The following NEDD4 variants were observed in gnomAD, a reference collection of about 807,000 sequenced individuals.
NEDD4 encodes E3 ubiquitin-protein ligase NEDD4.
A neutral mutation model predicts 144.9 loss-of-function variants in NEDD4; 99 were observed. That is an observed-to-expected ratio of 0.68 (90% CI 0.58 to 0.81). NEDD4 has a LOEUF of 0.81. NEDD4 is among the 30% of genes least tolerant of loss of function. The probability of loss-of-function intolerance (pLI) is 0.00; values close to 1 mark genes in which losing one functional copy is unlikely to be tolerated. For synonymous variants in NEDD4, 318 were observed against 350.6 expected (o/e 0.91, Z 1.04); for missense variants, 985 against 1,065.9 (o/e 0.92, Z 1.06).
chr15:55,973,105 G>C (rs1296926996), intron 1 of NEDD4, among the ~76,000 whole-genome samples: 1 of 151,466 alleles, frequency 6.6e-6, no homozygotes, highest in Non-Finnish European at 1.5e-5. Context: ...AAGAAATGTT[G>C]GACTTAATCT....
chr15:55,977,615 T>C (rs1333782747), intron 1 of NEDD4, among the ~76,000 whole-genome samples: 1 of 151,892 alleles, frequency 6.6e-6, no homozygotes, highest in African/African-American at 2.4e-5. Context: ...ATATAGCTGA[T>C]CTTTCAAGAA....
intron 5 of NEDD4, among the ~76,000 whole-genome samples, chr15:55,918,541 T>C (rs2036508149): frequency 6.6e-6 from 1 of 151,928 alleles, no homozygotes; most frequent in Non-Finnish European, 1.5e-5. Context: ...AAGTTTTTTT[T>C]CCTAAGTAAA....
chr15:55,968,555 A>T (rs1473550394), intron 1 of NEDD4, among the ~76,000 whole-genome samples: 1 of 152,192 alleles, frequency 6.6e-6, no homozygotes, highest in African/African-American at 2.4e-5. Flanking sequence ...GAATATGTGA[A>T]TAACTCCTAA....
At chr15:55,992,467 A>C (rs1481655373) in intron 1 of NEDD4, among the ~76,000 whole-genome samples, 1 of 152,250 alleles carries the variant, frequency 6.6e-6, no homozygotes, top group Non-Finnish European at 1.5e-5. Context: ...TACAATACTT[A>C]AGCAAGCAGT....
At chr15:55,967,455 T>C (rs1226039984) in intron 1 of NEDD4, among the ~76,000 whole-genome samples, 1 of 150,616 alleles carries the variant, frequency 6.6e-6, no homozygotes, top group Non-Finnish European at 1.5e-5. Context: ...TGTGTGTGTG[T>C]GTGTGTGTGT....
chr15:55,975,720 A>C (rs1003653266), intron 1 of NEDD4, among the ~76,000 whole-genome samples: 15 of 152,342 alleles, frequency 9.8e-5, no homozygotes, highest in Middle Eastern at 3.4e-3. Flanking sequence ...AGCAATCTAC[A>C]GATTCAATGC....
At chr15:55,847,315 A>G (rs2033789599) in intron 17 of NEDD4, among the ~76,000 whole-genome samples, 1 of 152,246 alleles carries the variant, frequency 6.6e-6, no homozygotes, top group South Asian at 2.1e-4. Flanking sequence ...TTCCAGGTAG[A>G]GAAATATTAG....
intron 6 of NEDD4, among the ~76,000 whole-genome samples, chr15:55,873,302 C>T (rs1385137442): frequency 6.6e-6 from 1 of 152,160 alleles, no homozygotes; most frequent in African/African-American, 2.4e-5. Flanking sequence ...TCCCTTTTCC[C>T]TACCTAGCTG....
intron 14 of NEDD4, among the ~76,000 whole-genome samples, chr15:55,850,093 C>T (rs950316884): frequency 3.3e-5 from 5 of 152,132 alleles, no homozygotes; most frequent in African/African-American, 9.7e-5. Flanking sequence ...CCACTGCACC[C>T]GGCCTTTAGG....
intron 4 of NEDD4, among the ~76,000 whole-genome samples, chr15:55,948,869 A>G (rs1348967296): frequency 6.6e-6 from 1 of 152,234 alleles, no homozygotes; most frequent in Non-Finnish European, 1.5e-5. Context: ...AAACCCAGGC[A>G]GTACCATTCA....
chr15:55,883,930 A>AT (rs1379809313), intron 5 of NEDD4, among the ~76,000 whole-genome samples: 29 of 145,668 alleles, frequency 2.0e-4, no homozygotes, highest in African/African-American at 6.9e-4. Context: ...CCCAGGCTGG[A>AT]GTACAGTGGC....
In NEDD4 at chr15:55,863,074, G is replaced by T; in HGVS notation, c.513C>A (p.Gly171=). The change falls in exon 9 of 29, where the codon GGC becomes GGA. Residue 171 remains glycine (G), a synonymous_variant. Transcript: ENST00000435532. Reference sequence around the variant, plus strand: ...CATCTGGTTGGTCCAAAACAACCCAGCCAGGCTGAAAAACAGGATGGCAGC... The same window carrying T: ...CATCTGGTTGGTCCAAAACAACCCATCCAGGCTGAAAAACAGGATGGCAGC... ...NAEQAEELEP[G]WVVLDQPDAA... 6.4e-7 allele frequency: 1 copy of T among 1,566,412 alleles called. No homozygotes were observed. Among genetic ancestry groups the T allele is most frequent in the Non-Finnish European group, 8.7e-7 (1 of 1,149,072 alleles).
At chr15:55,955,805 C>A (rs2037326413) in intron 2 of NEDD4, among the ~76,000 whole-genome samples, 1 of 147,088 alleles carries the variant, frequency 6.8e-6, no homozygotes, top group South Asian at 2.1e-4. Flanking sequence ...ACAAAAGGAT[C>A]TATACTACAT....
At chr15:55,862,034 C>A (rs117447005) in intron 9 of NEDD4, among the ~76,000 whole-genome samples, 1 of 152,050 alleles carries the variant, frequency 6.6e-6, no homozygotes, top group African/African-American at 2.4e-5. Context: ...TATGCAACAG[C>A]GCAATTCTAC....
At position 55,836,331 on chromosome 15, in the gene NEDD4, GACACACACACACACACAC is replaced by G. The variant is rs10526731; in HGVS notation, c.2262+1440_2262+1457del. On this transcript the variant is annotated intron_variant, in intron 24 of 28. Coordinates refer to ENST00000435532, the MANE Select transcript of NEDD4 (RefSeq NM_006154.4). Reference sequence around the variant, plus strand: ...ATACTGAATTTATGAAAAAGTATGTGACACACACACACACACACACACACACACACACACACACACACT... The same window carrying G: ...ATACTGAATTTATGAAAAAGTATGTGACACACACACACACACACACACACT... Among the ~76,000 whole-genome samples the G allele has an allele frequency of 8.1e-5, 12 of 147,940 alleles. No individual in the cohort carries two copies. In the South Asian group the frequency reaches 1.7e-3, roughly 21 times the overall value.
At chr15:55,884,238 C>T (rs115759832) in intron 5 of NEDD4, among the ~76,000 whole-genome samples, 10,851 of 152,178 alleles carry the variant, frequency 0.071, 467 homozygotes, top group Admixed American at 0.11. Context: ...GGAATGTCCC[C>T]TAACACACAT....
chr15:55,860,648 A>G lies in NEDD4; in HGVS notation c.792+13T>C. The G allele has an allele frequency of 1.9e-6, 3 of 1,613,828 alleles. No individual in the cohort carries two copies. The East Asian group carries it at 6.7e-5, about 36-fold the overall frequency. ...CATGTGTCTTTCAAGGAGAACTAGG[A>G]AACTACTTATACCTCGGAAGACTCT... On this transcript the variant is annotated intron_variant, in intron 10 of 28. Transcript: ENST00000435532.
intron 2 of NEDD4, among the ~76,000 whole-genome samples, chr15:55,960,272 G>C (rs2037404194): frequency 6.6e-6 from 1 of 152,208 alleles, no homozygotes; most frequent in African/African-American, 2.4e-5. Flanking sequence ...ATTAACATTT[G>C]AATCAGTGGA....
chr15:55,840,003 T>A (rs370710185), intron 21 of NEDD4, among the ~76,000 whole-genome samples: 1,697 of 15,440 alleles, frequency 0.11, 46 homozygotes, highest in South Asian at 0.14. Flanking sequence ...AAAAAAAATA[T>A]ATATATATAT....
Sources: allele counts gnomAD v4.1 joint callset (sites outside exome capture counted in the v4.1 genomes callset), GRCh38; gene constraint gnomAD v4.1.1; transcripts MANE v1.5; gene names NCBI Gene and HGNC (gene_info 2026-07-23, HGNC 2026-07-21).